Variants in GPC5 observed in about 807,000 individuals in gnomAD.
GPC5 encodes glypican-5.
In GPC5, 47 loss-of-function variants were observed where a neutral mutation model predicts 53.9. That is an observed-to-expected ratio of 0.87 (90% confidence interval 0.69 to 1.11). The LOEUF is 1.11. GPC5 is among the 50% of genes most tolerant of loss of function. The pLI is 0.00. For missense variants in GPC5, 748 were observed against 713.1 expected (o/e 1.05, Z -0.56); for synonymous variants, 286 against 263.3 (o/e 1.09, Z -0.84).
intron 7 of GPC5, among the ~76,000 whole-genome samples, chr13:92,563,559 A>G (rs1004009211): frequency 2.0e-5 from 3 of 152,082 alleles, no homozygotes; most frequent in African/African-American, 7.2e-5. Context: ...GTTTAAATCC[A>G]GTGCTCAATA....
intron 6 of GPC5, among the ~76,000 whole-genome samples, chr13:91,938,042 G>A (rs915368156): frequency 2.0e-5 from 3 of 151,990 alleles, no homozygotes; most frequent in African/African-American, 4.8e-5. Context: ...GGAGATTTCC[G>A]GAGCAAGTTC....
At chr13:91,990,020 T>A (rs1417178694) in intron 6 of GPC5, among the ~76,000 whole-genome samples, 2 of 152,220 alleles carry the variant, frequency 1.3e-5, no homozygotes, top group Non-Finnish European at 2.9e-5. Context: ...ATAGTAATTT[T>A]AAAATAGCTC....
intron 6 of GPC5, among the ~76,000 whole-genome samples, chr13:91,935,113 C>T (rs1428801411): frequency 6.6e-6 from 1 of 151,564 alleles, no homozygotes; most frequent in African/African-American, 2.4e-5. Context: ...GGCAGCAGGT[C>T]GTAACAGTAC....
intron 7 of GPC5, among the ~76,000 whole-genome samples, chr13:92,411,983 T>G (rs569898288): frequency 6.6e-6 from 1 of 152,294 alleles, no homozygotes; most frequent in South Asian, 2.1e-4. Flanking sequence ...TATCTATCTC[T>G]GTGTAGGTAT....
At chr13:92,555,560 T>G (rs1463706201) in intron 7 of GPC5, among the ~76,000 whole-genome samples, 1 of 150,760 alleles carries the variant, frequency 6.6e-6, no homozygotes, top group Non-Finnish European at 1.5e-5. Flanking sequence ...TGATTTACCT[T>G]ACAATTGAAA....
At chr13:91,568,446 T>C (rs2031632695) in intron 2 of GPC5, among the ~76,000 whole-genome samples, 1 of 152,112 alleles carries the variant, frequency 6.6e-6, no homozygotes, top group Non-Finnish European at 1.5e-5. Context: ...AGGCAATCTT[T>C]ATAAGGGTTT....
chr13:91,937,392 G>A (rs562438768), intron 6 of GPC5, among the ~76,000 whole-genome samples: 1 of 152,150 alleles, frequency 6.6e-6, no homozygotes, highest in Admixed American at 6.6e-5. Flanking sequence ...ATTAGATTTA[G>A]CTGAGCTTTT....
chr13:92,040,691 C>T (rs984193700), intron 6 of GPC5, among the ~76,000 whole-genome samples: 18 of 152,146 alleles, frequency 1.2e-4, no homozygotes, highest in African/African-American at 3.6e-4. Context: ...ACTCCTGATT[C>T]GCCAAAAATT....
At chr13:92,314,214 G>T (rs2043163895) in intron 7 of GPC5, among the ~76,000 whole-genome samples, 1 of 152,074 alleles carries the variant, frequency 6.6e-6, no homozygotes, top group African/African-American at 2.4e-5. Flanking sequence ...TAGGTATCTT[G>T]TACCTTTCCT....
chr13:92,734,324 G>A (rs1434362244), intron 7 of GPC5, among the ~76,000 whole-genome samples: 1 of 151,708 alleles, frequency 6.6e-6, no homozygotes, highest in Non-Finnish European at 1.5e-5. Flanking sequence ...TCCTCTTCCT[G>A]TCATCTCTTG....
intron 7 of GPC5, among the ~76,000 whole-genome samples, chr13:92,693,705 G>A (rs1188648965): frequency 1.3e-5 from 2 of 152,096 alleles, no homozygotes; most frequent in African/African-American, 4.8e-5. Context: ...TATTTAAAAG[G>A]GAAGAGAGCA....
At chr13:91,854,563 T>G (rs1403678190) in intron 5 of GPC5, among the ~76,000 whole-genome samples, 1 of 151,736 alleles carries the variant, frequency 6.6e-6, no homozygotes, top group African/African-American at 2.4e-5. Flanking sequence ...CTACCCTTCC[T>G]GGCCTCTAGT....
chr13:92,180,413 A>T (rs1593967853), intron 7 of GPC5, among the ~76,000 whole-genome samples: 2 of 152,332 alleles, frequency 1.3e-5, no homozygotes, highest in East Asian at 3.9e-4. Context: ...TCTCTTTGTG[A>T]ATGTGTATGT....
chr13:91,775,362 AT>A (rs1388215724), intron 5 of GPC5, among the ~76,000 whole-genome samples: 1 of 151,788 alleles, frequency 6.6e-6, no homozygotes, highest in Non-Finnish European at 1.5e-5. Context: ...CTTGGGCCTC[AT>A]TTTTCCCCCC....
At chr13:92,310,857 C>T (rs1218165728) in intron 7 of GPC5, among the ~76,000 whole-genome samples, 3 of 152,110 alleles carry the variant, frequency 2.0e-5, no homozygotes, top group Non-Finnish European at 2.9e-5. Context: ...GCTATCTGCT[C>T]ATCCATAAAC....
Position 91,767,639 on chromosome 13 carries a change from A to G in GPC5, c.1280+11219A>G, listed in dbSNP as rs181601138. ...ATTTTAAACAGAATCCCTAGGAAAAAATGAGGTTAAACATCCGCTTTTCCC... is the reference window on the plus strand; with the variant it reads ...ATTTTAAACAGAATCCCTAGGAAAAGATGAGGTTAAACATCCGCTTTTCCC... On this transcript the variant is annotated intron_variant, in intron 5 of 7. Coordinates refer to ENST00000377067, the MANE Select transcript of GPC5 (RefSeq NM_004466.6). Among the ~76,000 whole-genome samples, 489 of 152,298 alleles carry G rather than the reference A, an allele frequency of 3.2e-3. 2 individuals carry two copies. The highest frequency in any genetic ancestry group is 0.011 in the African/African-American group (463 of 41,568).
chr13:91,654,874 ATTTCC>A lies in GPC5; in HGVS notation c.326-38309_326-38305del, dbSNP rs561124232. Reference sequence around the variant, plus strand: ...TAAACTCATACAGAGATAATCAACTATTTCCTTTATTATATTATCAAAGCATTGCT... The same window carrying A: ...TAAACTCATACAGAGATAATCAACTATTTATTATATTATCAAAGCATTGCT... On this transcript the variant is annotated intron_variant, in intron 2 of 7. Transcript: ENST00000377067. Among the ~76,000 whole-genome samples the A allele has an allele frequency of 3.6e-3, 553 of 152,230 alleles. 4 individuals carry two copies. The highest frequency in any genetic ancestry group is 0.013 in the African/African-American group (524 of 41,564).
chr13:91,985,582 A>T (rs1345874652), intron 6 of GPC5, among the ~76,000 whole-genome samples: 1 of 151,826 alleles, frequency 6.6e-6, no homozygotes, highest in African/African-American at 2.4e-5. Flanking sequence ...TTTAAAATTG[A>T]CTTTTCAGTT....
chr13:92,143,857 G>C (rs1183443781), intron 6 of GPC5, among the ~76,000 whole-genome samples: 1 of 152,020 alleles, frequency 6.6e-6, no homozygotes, highest in Non-Finnish European at 1.5e-5. Flanking sequence ...ATATTATTTG[G>C]AAAGTCACAG....
Sources: allele counts gnomAD v4.1 joint callset (sites outside exome capture counted in the v4.1 genomes callset), GRCh38; gene constraint gnomAD v4.1.1; transcripts MANE v1.5; gene names NCBI Gene and HGNC (gene_info 2026-07-23, HGNC 2026-07-21).